NUP153: variants seen among roughly 807,000 people sequenced by gnomAD.
NUP153 encodes the protein nuclear pore complex protein Nup153.
NUP153 carries 27 observed loss-of-function variants against 134.6 expected under a neutral mutation model. The ratio of observed to expected loss-of-function variants is 0.20; its 90% CI spans 0.15 to 0.28. The LOEUF is 0.28. NUP153 is among the 10% of genes least tolerant of loss of function. The probability of loss-of-function intolerance (pLI) is 1.00; values close to 1 mark genes in which losing one functional copy is unlikely to be tolerated. For synonymous variants in NUP153, 640 were observed against 623.5 expected (o/e 1.03, Z -0.40); for missense variants, 1,821 against 1,731.3 (o/e 1.05, Z -0.92).
At chr6:17,671,871 G>A (rs1420730539) in intron 5 of NUP153, among the ~76,000 whole-genome samples, 1 of 152,154 alleles carries the variant, frequency 6.6e-6, no homozygotes, top group African/African-American at 2.4e-5. Context: ...AGTGGGGCAT[G>A]GTGGTGTGTG....
intron 11 of NUP153, among the ~76,000 whole-genome samples, chr6:17,651,317 A>C (rs2113802135): frequency 6.6e-6 from 1 of 152,084 alleles, no homozygotes; most frequent in South Asian, 2.1e-4. Flanking sequence ...CAAAAACAAA[A>C]CCAATAAAAA....
chr6:17,624,923 A>G, intron 19 of NUP153, 90 bp from the exon 20 acceptor site: 1 of 1,333,786 alleles, frequency 7.5e-7, no homozygotes, highest in African/African-American at 1.5e-5. Context: ...GCAAATGTCA[A>G]GCTTCGTTTC....
Position 17,615,747 on chromosome 6 carries a change from C to T in NUP153, c.*350G>A, listed in dbSNP as rs1764278316. 5.4e-6 allele frequency: 1 copy of T among 185,090 alleles called. No individual in the cohort carries two copies. The highest frequency in any genetic ancestry group is 1.1e-5 in the Non-Finnish European group (1 of 89,732). The allele number at this position is 185,090 out of a possible 1,614,324, so 11.5% of individuals were successfully genotyped here. ...ACAATTTCAACGCGTTCCATGAACG[C>T]TTATCAGCGCACATAATGGTGTAGA... On this transcript the variant is annotated 3_prime_UTR_variant, in exon 22 of 22. Coordinates refer to ENST00000262077, the MANE Select transcript of NUP153 (RefSeq NM_005124.4). This position sits in a 1 kb window ranked among gnomAD's most constrained non-coding sequence, Gnocchi z 5.7.
rs9383306 is a variant in NUP153, at chr6:17,625,708, C to T, written c.3901+100G>A. ...TATAGATGACCAAAAGGCATTCCCA[C>T]CATTTTGTGATAACCTGCTATATGA... On this transcript the variant is annotated intron_variant, in intron 19 of 21. Coordinates refer to ENST00000262077, the MANE Select transcript of NUP153 (RefSeq NM_005124.4). The surrounding 1 kb of genome is among the most constrained non-coding windows in gnomAD (Gnocchi z 4.7). 7,124 of 911,474 alleles carry T rather than the reference C, an allele frequency of 7.8e-3. 298 individuals carry two copies. In the East Asian group the frequency reaches 0.11, roughly 14 times the overall value. The allele number at this position is 911,474 out of a possible 1,614,324, so 56.5% of individuals were successfully genotyped here. A position where few individuals can be genotyped will look rare whatever the true frequency, so the allele number is the denominator to read the frequency against.
At chr6:17,618,818 G>A (rs952948463) in intron 20 of NUP153, among the ~76,000 whole-genome samples, 6 of 152,226 alleles carry the variant, frequency 3.9e-5, no homozygotes, top group South Asian at 4.1e-4. Context: ...TGCCCGCCTT[G>A]GCCTCCCAAA....
chr6:17,677,997 T>C (rs889043317), intron 2 of NUP153, among the ~76,000 whole-genome samples: 1 of 152,006 alleles, frequency 6.6e-6, no homozygotes, highest in Admixed American at 6.6e-5. Flanking sequence ...TATCTAGAAG[T>C]GGTGGTGATG....
At chr6:17,655,033 G>A (rs1350680443) in intron 11 of NUP153, among the ~76,000 whole-genome samples, 1 of 152,152 alleles carries the variant, frequency 6.6e-6, no homozygotes, top group Non-Finnish European at 1.5e-5. Context: ...TACAAGACAA[G>A]AGCAAGCAAT....
rs1363450264 is a variant in NUP153, at chr6:17,680,438, C to T, written c.335-4668G>A. Among the ~76,000 whole-genome samples, 1 of 152,114 alleles carries T rather than the reference C, an allele frequency of 6.6e-6. No homozygotes were observed. The highest frequency in any genetic ancestry group is 1.5e-5 in the Non-Finnish European group (1 of 68,018). On this transcript the variant is annotated intron_variant, in intron 2 of 21. Coordinates refer to ENST00000262077, the MANE Select transcript of NUP153 (RefSeq NM_005124.4). The surrounding 1 kb of genome is among the most constrained non-coding windows in gnomAD (Gnocchi z 4.5). ...ATGAACCCTTATCTTGAACCATATA[C>T]AAAAATTAACTCTAAATGGATTAAA...
chr6:17,616,273 G>C (rs1416294386), intron 21 of NUP153, 92 bp from the exon 22 acceptor site: 3 of 533,756 alleles, frequency 5.6e-6, no homozygotes, highest in Non-Finnish European at 1.0e-5. Context: ...AAGGGTAAGG[G>C]GGGTCGGGTG....
At chr6:17,657,977 C>T (rs114178430) in intron 11 of NUP153, among the ~76,000 whole-genome samples, 2,528 of 152,310 alleles carry the variant, frequency 0.017, 23 homozygotes, top group Non-Finnish European at 0.024. Flanking sequence ...AGACAAAAGA[C>T]AAGTTCGAGC....
intron 2 of NUP153, among the ~76,000 whole-genome samples, chr6:17,687,164 C>T (rs1460091136): frequency 6.6e-6 from 1 of 152,080 alleles, no homozygotes; most frequent in African/African-American, 2.4e-5. Context: ...GTCTTTCACA[C>T]CTAAATTCTT....
At chr6:17,622,876 A>C (rs367711734) in intron 20 of NUP153, among the ~76,000 whole-genome samples, 85 of 152,238 alleles carry the variant, frequency 5.6e-4, no homozygotes, top group African/African-American at 2.0e-3. Context: ...CACACCTGTA[A>C]TCCCAGCACT....
chr6:17,675,068 A>G lies in NUP153; in HGVS notation c.724-35T>C, dbSNP rs1365673226. On this transcript the variant is annotated intron_variant, in intron 4 of 21. Coordinates refer to ENST00000262077, the MANE Select transcript of NUP153 (RefSeq NM_005124.4). The surrounding 1 kb of genome is among the most constrained non-coding windows in gnomAD (Gnocchi z 4.4). ...AACAGAATGATAAATTATAAGCCAT[A>G]TGAACCCAGGAGGTGGAGGTTGCAG... The G allele has an allele frequency of 6.2e-7, 1 of 1,610,080 alleles. No homozygotes were observed. The highest frequency in any genetic ancestry group is 8.5e-7 in the Non-Finnish European group (1 of 1,177,930).
In NUP153 at chr6:17,625,703, TCCCA is replaced by T; in HGVS notation, c.3901+101_3901+104del. ...CCTGGTATAGATGACCAAAAGGCATTCCCACCATTTTGTGATAACCTGCTATATG... is the reference window on the plus strand; with the variant it reads ...CCTGGTATAGATGACCAAAAGGCATTCCATTTTGTGATAACCTGCTATATG... On this transcript the variant is annotated intron_variant, in intron 19 of 21. Coordinates refer to ENST00000262077, the MANE Select transcript of NUP153 (RefSeq NM_005124.4). The surrounding 1 kb of genome is among the most constrained non-coding windows in gnomAD (Gnocchi z 4.7). The T allele has an allele frequency of 1.2e-6, 1 of 855,508 alleles. No homozygotes were observed. The highest frequency in any genetic ancestry group is 1.9e-6 in the Non-Finnish European group (1 of 524,908). 53.0% of individuals were successfully genotyped at this position (855,508 alleles called of 1,614,324 possible).
At chr6:17,697,934 T>C (rs1156330867) in intron 1 of NUP153, among the ~76,000 whole-genome samples, 1 of 152,222 alleles carries the variant, frequency 6.6e-6, no homozygotes, top group Non-Finnish European at 1.5e-5. Flanking sequence ...TTGTCATTCC[T>C]ATATATCCTT....
chr6:17,625,726 C>G lies in NUP153; in HGVS notation c.3901+82G>C. 9.5e-7 allele frequency: 1 copy of G among 1,057,996 alleles called. No individual in the cohort carries two copies. Among genetic ancestry groups the G allele is most frequent in the Non-Finnish European group, 1.4e-6 (1 of 699,608 alleles). 65.5% of individuals were successfully genotyped at this position (1,057,996 alleles called of 1,614,324 possible). On this transcript the variant is annotated intron_variant, in intron 19 of 21. Coordinates refer to ENST00000262077, the MANE Select transcript of NUP153 (RefSeq NM_005124.4). This position sits in a 1 kb window ranked among gnomAD's most constrained non-coding sequence, Gnocchi z 4.7. ...ATTCCCACCATTTTGTGATAACCTG[C>G]TATATGATATTCGCTAAGAACTGAC...
At chr6:17,643,725 GAACC>G (rs1278361258) in intron 14 of NUP153, among the ~76,000 whole-genome samples, 2 of 152,116 alleles carry the variant, frequency 1.3e-5, no homozygotes, top group Admixed American at 1.3e-4. Context: ...GAAGTGGTGA[GAACC>G]AACGGTGTCA....
chr6:17,654,794 T>TA (rs1766712622), intron 11 of NUP153, among the ~76,000 whole-genome samples: 1 of 152,230 alleles, frequency 6.6e-6, no homozygotes, highest in South Asian at 2.1e-4. Flanking sequence ...AATACCTTTG[T>TA]AATATCCTTA....
At chr6:17,693,893 C>T (rs546252403) in intron 1 of NUP153, among the ~76,000 whole-genome samples, 1 of 152,168 alleles carries the variant, frequency 6.6e-6, no homozygotes, top group Non-Finnish European at 1.5e-5. Context: ...GCACCACCAC[C>T]GCGCCTGGCC....
Sources: gnomAD v4.1 joint callset for allele counts (sites outside exome capture counted in the v4.1 genomes callset) on GRCh38, gnomAD v4.1.1 for gene constraint, Gnocchi (gnomAD v3.1) non-coding constraint, MANE v1.5 for transcripts, NCBI Gene and HGNC (gene_info 2026-07-23, HGNC 2026-07-21) for gene names.